Variants in KCNC2 observed in about 807,000 individuals in gnomAD.
The protein encoded by KCNC2 is voltage-gated potassium channel KCNC2.
A neutral mutation model predicts 44.5 loss-of-function variants in KCNC2; 21 were observed. The observed-to-expected ratio is 0.47, with a 90% CI of 0.33 to 0.68. The LOEUF (loss-of-function observed/expected upper bound fraction) is 0.68. KCNC2 is among the 30% of genes least tolerant of loss of function. The probability of loss-of-function intolerance (pLI) is 0.01; values close to 1 mark genes in which losing one functional copy is unlikely to be tolerated. For missense variants in KCNC2, 589 were observed against 826.2 expected (o/e 0.71, Z 3.52); for synonymous variants, 391 against 339.1 (o/e 1.15, Z -1.68).
intron 2 of KCNC2, among the ~76,000 whole-genome samples, chr12:75,071,027 C>CT (rs928775595): frequency 6.6e-6 from 1 of 151,782 alleles, no homozygotes; most frequent in African/African-American, 2.4e-5. Flanking sequence ...GTACCTATTA[C>CT]TTTTTTTGGT....
intron 2 of KCNC2, among the ~76,000 whole-genome samples, chr12:75,117,101 A>G (rs1192275695): frequency 6.6e-6 from 1 of 151,498 alleles, no homozygotes; most frequent in African/African-American, 2.4e-5. Context: ...AAAAAAAAAT[A>G]AAGGAAAGAG....
At chr12:75,129,564 G>C (rs1481065993) in intron 2 of KCNC2, among the ~76,000 whole-genome samples, 2 of 152,060 alleles carry the variant, frequency 1.3e-5, no homozygotes, top group African/African-American at 4.8e-5. Flanking sequence ...CTTTGTCAGT[G>C]CATACCACAA....
At chr12:75,096,024 A>G (rs576037965) in intron 2 of KCNC2, among the ~76,000 whole-genome samples, 9 of 151,634 alleles carry the variant, frequency 5.9e-5, no homozygotes, top group Non-Finnish European at 8.8e-5. Flanking sequence ...TTGAAAAACT[A>G]CTAGTGACCC....
intron 2 of KCNC2, among the ~76,000 whole-genome samples, chr12:75,175,256 A>G (rs1190067153): frequency 2.0e-5 from 3 of 152,008 alleles, no homozygotes; most frequent in Admixed American, 2.0e-4. Flanking sequence ...CTTTATCTAA[A>G]AAAAATTCTA....
intron 2 of KCNC2, among the ~76,000 whole-genome samples, chr12:75,056,528 C>T (rs1227552728): frequency 6.6e-6 from 1 of 151,632 alleles, no homozygotes; most frequent in Non-Finnish European, 1.5e-5. Context: ...ATACTTCATG[C>T]CTATTATGCT....
intron 2 of KCNC2, among the ~76,000 whole-genome samples, chr12:75,103,447 A>T (rs2137191821): frequency 6.6e-6 from 1 of 152,314 alleles, no homozygotes; most frequent in South Asian, 2.1e-4. Flanking sequence ...ATTGATTCTT[A>T]TTCTTCACTG....
intron 2 of KCNC2, among the ~76,000 whole-genome samples, chr12:75,054,286 G>T (rs1334860585): frequency 6.6e-6 from 1 of 150,814 alleles, no homozygotes; most frequent in African/African-American, 2.4e-5. Flanking sequence ...AGCTAAAAAC[G>T]CTTGTCATAA....
Position 75,120,566 on chromosome 12 carries a change from A to T in KCNC2, c.688-69249T>A, listed in dbSNP as rs564238224. ...AACTTCTGAAGCTGCTTGGAGTAAG[A>T]TCACAACTGAAGCCAAAGCCATGAA... On this transcript the variant is annotated intron_variant, in intron 2 of 4. Coordinates refer to ENST00000549446, the MANE Select transcript of KCNC2 (RefSeq NM_139137.4). Among the ~76,000 whole-genome samples, 3 of 152,330 alleles carry T rather than the reference A, an allele frequency of 2.0e-5. No homozygotes were observed. The East Asian group carries it at 5.8e-4, about 29-fold the overall frequency.
intron 2 of KCNC2, among the ~76,000 whole-genome samples, chr12:75,167,839 G>A (rs1412342037): frequency 6.6e-6 from 1 of 151,148 alleles, no homozygotes; most frequent in Non-Finnish European, 1.5e-5. Flanking sequence ...ATGGTTGTAT[G>A]TATGCCAATG....
At chr12:75,063,816 A>G (rs114433465) in intron 2 of KCNC2, among the ~76,000 whole-genome samples, 9 of 152,250 alleles carry the variant, frequency 5.9e-5, no homozygotes, top group African/African-American at 2.2e-4. Flanking sequence ...TTTCTGATGA[A>G]CATGTTTAGG....
chr12:75,092,005 T>A (rs1165181238), intron 2 of KCNC2, among the ~76,000 whole-genome samples: 2 of 151,674 alleles, frequency 1.3e-5, no homozygotes, highest in African/African-American at 2.4e-5. Context: ...CCCTTAAATA[T>A]CAGGATCATT....
intron 2 of KCNC2, among the ~76,000 whole-genome samples, chr12:75,125,876 T>C (rs868159175): frequency 6.6e-6 from 1 of 152,230 alleles, no homozygotes; most frequent in African/African-American, 2.4e-5. Context: ...TTCTGGGCTC[T>C]CTCACCTAGG....
chr12:75,127,302 A>G (rs1186595405), intron 2 of KCNC2, among the ~76,000 whole-genome samples: 1 of 152,168 alleles, frequency 6.6e-6, no homozygotes, highest in African/African-American at 2.4e-5. Context: ...GAAAAAGGTC[A>G]GTTCTTAGCT....
intron 2 of KCNC2, among the ~76,000 whole-genome samples, chr12:75,166,235 A>AT (rs775135755): frequency 2.0e-5 from 3 of 151,026 alleles, no homozygotes; most frequent in Non-Finnish European, 3.0e-5. Flanking sequence ...TAGTGCAGGG[A>AT]TTTTTTTAGT....
intron 2 of KCNC2, among the ~76,000 whole-genome samples, chr12:75,120,283 A>G (rs1369988595): frequency 6.6e-6 from 1 of 152,210 alleles, no homozygotes; most frequent in Non-Finnish European, 1.5e-5. Context: ...ATGTTGCAGT[A>G]TAGACCACAG....
intron 2 of KCNC2, among the ~76,000 whole-genome samples, chr12:75,077,616 C>G (rs897215746): frequency 3.9e-5 from 6 of 152,112 alleles, no homozygotes; most frequent in Non-Finnish European, 8.8e-5. Context: ...CAAGATATAC[C>G]TTTATTTGTA....
chr12:75,061,662 T>A (rs902661716), intron 2 of KCNC2, among the ~76,000 whole-genome samples: 1 of 151,656 alleles, frequency 6.6e-6, no homozygotes, highest in East Asian at 1.9e-4. Flanking sequence ...ATTTTGTCCA[T>A]AGAGGTCATC....
At chr12:75,141,259 A>T (rs185801960) in intron 2 of KCNC2, among the ~76,000 whole-genome samples, 92 of 152,276 alleles carry the variant, frequency 6.0e-4, no homozygotes, top group African/African-American at 1.6e-3. Flanking sequence ...GTCAATACCC[A>T]TCTCTAGGGA....
In KCNC2 at chr12:75,207,448, G is replaced by T; in HGVS notation, c.536C>A (p.Pro179His). The stretch of plus-strand genomic sequence containing the variant: ...GGCCGCCAGGTCCTCGTCGTCGCCG[G>T]GGTCGCCGCCAATGAGGTCGGGGGT... ...FETPDLIGGDPGDDEDLAAKR... is the reference protein window; with the variant it reads ...FETPDLIGGDHGDDEDLAAKR... The change falls in exon 2 of 5, where the codon CCC (proline) becomes CAC (histidine). Residue 179 changes from proline (P) to histidine (H), a missense_variant. Around this residue, in one of 7 missense-constraint regions of KCNC2, gnomAD observed 97 missense variants for 73.3 expected, o/e 1.32. Coordinates refer to ENST00000549446, the MANE Select transcript of KCNC2 (RefSeq NM_139137.4). This position sits in a 1 kb window ranked among gnomAD's most constrained non-coding sequence, Gnocchi z 4.1. 2 of 1,610,076 alleles carry T rather than the reference G, an allele frequency of 1.2e-6. No homozygotes were observed. The highest frequency in any genetic ancestry group is 1.1e-5 in the South Asian group (1 of 90,642).
Sources: gnomAD v4.1 joint callset for allele counts (sites outside exome capture counted in the v4.1 genomes callset) on GRCh38, gnomAD v4.1.1 for gene constraint, gnomAD v4.1.1 regional missense constraint, Gnocchi (gnomAD v3.1) non-coding constraint, MANE v1.5 for transcripts, NCBI Gene and HGNC (gene_info 2026-07-23, HGNC 2026-07-21) for gene names.